The following ERBIN variants were observed in gnomAD, a reference collection of about 807,000 sequenced individuals.
ERBIN encodes the protein erbb2 interacting protein, also known as densin-180-like protein.
In ERBIN, 60 loss-of-function variants were observed where a neutral mutation model predicts 158.4. The observed-to-expected ratio is 0.38, with a 90% CI of 0.31 to 0.47. The LOEUF is 0.47. ERBIN is among the 20% of genes least tolerant of loss of function. The pLI is 0.99. For synonymous variants in ERBIN, 594 were observed against 557.2 expected, an observed-to-expected ratio of 1.07 and a Z score of -0.93; for missense variants, 1,610 against 1,648.0, an observed-to-expected ratio of 0.98 and a Z score of 0.40.
intron 14 of ERBIN, among the ~76,000 whole-genome samples, chr5:66,037,581 G>GT (rs1757517855): frequency 6.6e-6 from 1 of 152,098 alleles, no homozygotes; most frequent in Admixed American, 6.6e-5. Context: ...TTAAATGGGA[G>GT]TAAGATTACA....
intron 1 of ERBIN, among the ~76,000 whole-genome samples, chr5:65,958,038 G>A (rs1747434081): frequency 6.6e-6 from 1 of 151,574 alleles, no homozygotes; most frequent in East Asian, 2.0e-4. Context: ...CGGGGCAGAG[G>A]CGCTCCCCAC....
chr5:65,926,988 C>T (rs980265346), intron 1 of ERBIN, among the ~76,000 whole-genome samples, 182 bp downstream of exon 1: 1 of 151,740 alleles, frequency 6.6e-6, no homozygotes, highest in Non-Finnish European at 1.5e-5. Context: ...CGCGTCCCTT[C>T]TCCCCCCTGC....
chr5:66,025,352 CTT>C (rs1756125192), intron 10 of ERBIN, 126 bp from the exon 11 acceptor site: 14 of 736,226 alleles, frequency 1.9e-5, no homozygotes, highest in Admixed American at 1.5e-4. Flanking sequence ...AGTGGTATCT[CTT>C]TTAGATACGT....
At chr5:65,944,204 ATTT>A (rs778282107) in intron 1 of ERBIN, among the ~76,000 whole-genome samples, 2 of 81,698 alleles carry the variant, frequency 2.4e-5, no homozygotes, top group African/African-American at 4.8e-5. Flanking sequence ...TGTGTTTAGT[ATTT>A]TTTTTTTTTT....
At chr5:65,936,638 G>A (rs1227826315) in intron 1 of ERBIN, among the ~76,000 whole-genome samples, 1 of 152,190 alleles carries the variant, frequency 6.6e-6, no homozygotes, top group East Asian at 1.9e-4. Context: ...AATGTCTACA[G>A]AGTGAGACAC....
At chr5:65,979,056 C>G (rs1750352458) in intron 1 of ERBIN, among the ~76,000 whole-genome samples, 1 of 152,132 alleles carries the variant, frequency 6.6e-6, no homozygotes, top group Admixed American at 6.5e-5. Flanking sequence ...CAAATGGACT[C>G]TACTAGAAAT....
Position 66,054,046 on chromosome 5 carries a change from A to G in ERBIN, c.2728A>G (p.Ile910Val), listed in dbSNP as rs1236693355. Residue 910 changes from isoleucine to valine, a missense_variant, in exon 21 of 26, where the codon ATA (isoleucine) becomes GTA (valine). Ile to Val is a conservative substitution (Grantham distance 29). This residue lies in a region of ERBIN where 1,014 missense variants were observed against 936.1 expected (regional missense o/e 1.08). Coordinates refer to ENST00000284037, the MANE Select transcript of ERBIN (RefSeq NM_001253697.2). Reference protein sequence around the residue: ...KITSAVDGKNIVRSKSATLLY... With the variant: ...KITSAVDGKNVVRSKSATLLY... ...CACATCTGCTGTTGATGGAAAAAATATAGTCAGGAGCAAGTCTGCCACACT... is the reference window on the plus strand; with the variant it reads ...CACATCTGCTGTTGATGGAAAAAATGTAGTCAGGAGCAAGTCTGCCACACT... The G allele has an allele frequency of 6.2e-7, 1 of 1,614,066 alleles. No homozygotes were observed. Among genetic ancestry groups the G allele is most frequent in the Non-Finnish European group, 8.5e-7 (1 of 1,180,040 alleles).
Position 66,052,824 on chromosome 5 carries a change from T to C in ERBIN, c.2088-582T>C, listed in dbSNP as rs773549604. On this transcript the variant is annotated intron_variant, in intron 20 of 25. Transcript: ENST00000284037. ...AGAGTGATTAGACTTCATTTATCTT[T>C]CTATGCCTTTTACATATTTGATGTT... 2.6e-5 allele frequency among the ~76,000 whole-genome samples: 4 copies of C among 152,210 alleles called. No homozygotes were observed. In the South Asian group the frequency reaches 8.3e-4, roughly 32 times the overall value.
Position 66,041,130 on chromosome 5 carries a change from TA to T in ERBIN, c.1307-1943del, listed in dbSNP as rs1393442374. Among the ~76,000 whole-genome samples the T allele has an allele frequency of 2.0e-5, 3 of 151,870 alleles. No individual in the cohort carries two copies. The South Asian group carries it at 6.2e-4, about 32-fold the overall frequency. ...GGAAGTGGTAGTGATTAATGTATCA[TA>T]AAATCTAAGCTTAATAGAGAAGGAA... On this transcript the variant is annotated intron_variant, in intron 15 of 25. Coordinates refer to ENST00000284037, the MANE Select transcript of ERBIN (RefSeq NM_001253697.2).
At position 66,023,250 on chromosome 5, in the gene ERBIN, TTAATTGAATTACTGCTATCCCCTACCC is replaced by T. The variant is rs1325467591; in HGVS notation, c.598-35_598-9del. 1 of 1,455,082 alleles carries T rather than the reference TTAATTGAATTACTGCTATCCCCTACCC, an allele frequency of 6.9e-7. No individual in the cohort carries two copies. Among genetic ancestry groups the T allele is most frequent in the Non-Finnish European group, 9.6e-7 (1 of 1,043,168 alleles). 90.1% of individuals were successfully genotyped at this position (1,455,082 alleles called of 1,614,324 possible). On this transcript the variant is annotated splice_polypyrimidine_tract_variant and intron_variant, in intron 8 of 25. Coordinates refer to ENST00000284037, the MANE Select transcript of ERBIN (RefSeq NM_001253697.2). ...TGCCAGATAAAGACATTCATAAAAA[TTAATTGAATTACTGCTATCCCCTACCC>T]TAATCCCAACAGCCTGAAGTACTTG...
At chr5:66,024,766 G>A (rs1580385851) in intron 10 of ERBIN, among the ~76,000 whole-genome samples, 1 of 151,838 alleles carries the variant, frequency 6.6e-6, no homozygotes, top group Non-Finnish European at 1.5e-5. Flanking sequence ...TTTCAGTCCT[G>A]TTTCATTACA....
chr5:65,956,342 A>T lies in ERBIN; in HGVS notation c.-58+29536A>T, dbSNP rs561768803. 6.7e-5 allele frequency among the ~76,000 whole-genome samples: 10 copies of T among 149,516 alleles called. No individual in the cohort carries two copies. In the South Asian group the frequency reaches 2.2e-3, roughly 32 times the overall value. ...CTTATCTTTTCACTGAACTGGGATG[A>T]TTAATAATCATACAGCATTCTTTCA... is the stretch of plus-strand genomic sequence containing the variant. On this transcript the variant is annotated intron_variant, in intron 1 of 25. Transcript: ENST00000284037.
At chr5:66,044,080 T>C in intron 16 of ERBIN, 57 bp from the exon 17 acceptor site, 2 of 1,312,530 alleles carry the variant, frequency 1.5e-6, no homozygotes, top group South Asian at 3.5e-5. Flanking sequence ...TAAATTTTGT[T>C]TGAGATTGAC....
intron 1 of ERBIN, among the ~76,000 whole-genome samples, chr5:65,987,553 C>G (rs1580263006): frequency 1.3e-5 from 2 of 152,048 alleles, no homozygotes; most frequent in East Asian, 3.9e-4. Context: ...CAGAGCAAGA[C>G]CCTGTCTCAA....
At chr5:65,963,109 T>C (rs749690990) in intron 1 of ERBIN, among the ~76,000 whole-genome samples, 1 of 152,196 alleles carries the variant, frequency 6.6e-6, no homozygotes, top group Non-Finnish European at 1.5e-5. Context: ...AAAAGGTAAA[T>C]TTTTGATAGA....
chr5:65,943,371 A>G (rs911469382), intron 1 of ERBIN, among the ~76,000 whole-genome samples: 1 of 152,246 alleles, frequency 6.6e-6, no homozygotes, highest in Admixed American at 6.5e-5. Flanking sequence ...AATTACCTGT[A>G]TTGAATCTTT....
chr5:66,016,573 C>T (rs1754749718), intron 7 of ERBIN, among the ~76,000 whole-genome samples: 1 of 151,606 alleles, frequency 6.6e-6, no homozygotes, highest in Admixed American at 6.6e-5. Flanking sequence ...CTACCCTCCT[C>T]AGCCTCTGCT....
In ERBIN at chr5:66,037,126, T is replaced by C. The variant is rs79454572; in HGVS notation, c.1207-1257T>C. On this transcript the variant is annotated intron_variant, in intron 14 of 25. Transcript: ENST00000284037. Reference sequence around the variant, plus strand: ...ATATGCTCATCTAAGGGGGCTTATTTTTTTCTTCTCACAAATTGTTCATCT... The same window carrying C: ...ATATGCTCATCTAAGGGGGCTTATTCTTTTCTTCTCACAAATTGTTCATCT... Among the ~76,000 whole-genome samples the C allele has an allele frequency of 3.3e-4, 51 of 152,260 alleles. 1 individual carries two copies. The East Asian group carries it at 9.6e-3, about 29-fold the overall frequency.
Position 66,043,097 on chromosome 5 carries a change from G to A in ERBIN, c.1327G>A (p.Glu443Lys). Residue 443 changes from glutamate (E) to lysine (K), a missense_variant, in exon 16 of 26, where the codon GAA (glutamate) becomes AAA (lysine). Coordinates refer to ENST00000284037, the MANE Select transcript of ERBIN (RefSeq NM_001253697.2). ...TEDVMFISDN[E>K]SFNPSLWEEQ... ...TCTAGTTATGTTTATATCAGATAATGAAAGTTTTAACCCTTCATTGTGGGA... is the reference window on the plus strand; with the variant it reads ...TCTAGTTATGTTTATATCAGATAATAAAAGTTTTAACCCTTCATTGTGGGA... 1.9e-6 allele frequency: 3 copies of A among 1,604,472 alleles called. 1 individual carries two copies. The South Asian group carries it at 3.3e-5, about 18-fold the overall frequency.
Sources: allele counts gnomAD v4.1 joint callset (sites outside exome capture counted in the v4.1 genomes callset), GRCh38; gene constraint gnomAD v4.1.1; regional missense constraint gnomAD v4.1.1; transcripts MANE v1.5; gene names NCBI Gene and HGNC (gene_info 2026-07-23, HGNC 2026-07-21).